Variants in PHLDB2 observed in about 807,000 individuals in gnomAD.
The protein encoded by PHLDB2 is pleckstrin homology-like domain family B member 2.
In PHLDB2, 71 loss-of-function variants were observed where a neutral mutation model predicts 123.6. That is an observed-to-expected ratio of 0.57 (90% CI 0.47 to 0.70). The LOEUF is 0.70. Among genes scored for constraint, PHLDB2 ranks in the 30% least tolerant of loss-of-function variants. The pLI is 0.00. For missense variants in PHLDB2, 1,446 were observed against 1,519.5 expected (o/e 0.95, Z 0.80); for synonymous variants, 547 against 541.6 (o/e 1.01, Z -0.14).
Position 111,884,451 on chromosome 3 carries a change from G to A in PHLDB2, c.374G>A (p.Arg125Lys). Residue 125 changes from arginine to lysine, a missense_variant, in exon 2 of 18, where the codon AGA (arginine) becomes AAA (lysine). This residue lies in a region of PHLDB2 where 832 missense variants were observed against 831.9 expected (regional missense o/e 1.00). Coordinates refer to ENST00000431670, the MANE Select transcript of PHLDB2 (RefSeq NM_001134438.2). ...TCCCTCAGTGGATATCCACTTGGAA[G>A]AGCAGACTTTGATCATTATACTGGC... Reference protein sequence around the residue: ...TSSLSGYPLGRADFDHYTGRD... With the variant: ...TSSLSGYPLGKADFDHYTGRD... 6.2e-7 allele frequency: 1 copy of A among 1,614,162 alleles called. No individual in the cohort carries two copies. The highest frequency in any genetic ancestry group is 2.2e-5 in the East Asian group (1 of 44,878).
At chr3:111,830,969 GAAAGAAAGAA>G (rs1559855033) in intron 1 of PHLDB2, among the ~76,000 whole-genome samples, 13 of 30,390 alleles carry the variant, frequency 4.3e-4, no homozygotes, top group African/African-American at 2.5e-3. Context: ...AAGAAAGAAA[GAAAGAAAGAA>G]AGAAAGAAAG....
chr3:111,906,935 C>T (rs1002205268), intron 2 of PHLDB2, among the ~76,000 whole-genome samples: 1 of 152,154 alleles, frequency 6.6e-6, no homozygotes, highest in African/African-American at 2.4e-5. Context: ...GACCACAAGC[C>T]TGAAGGCAGA....
At chr3:111,958,249 T>G in intron 12 of PHLDB2, 1 of 987,204 alleles carries the variant, frequency 1.0e-6, no homozygotes, top group Non-Finnish European at 1.2e-6. Context: ...CTGTGCCCTC[T>G]TCTTCTGGCT....
At chr3:111,848,908 A>G (rs2064129723) in intron 2 of PHLDB2, among the ~76,000 whole-genome samples, 1 of 152,210 alleles carries the variant, frequency 6.6e-6, no homozygotes, top group African/African-American at 2.4e-5. Flanking sequence ...TCTTATGGTT[A>G]TGCCATATAG....
intron 1 of PHLDB2, among the ~76,000 whole-genome samples, chr3:111,780,300 AGAG>A (rs199855060): frequency 0.11 from 277 of 2,542 alleles, 58 homozygotes; most frequent in East Asian, 0.74. Context: ...AAGAAGAGGA[AGAG>A]GAAGAGGAAG....
chr3:111,747,887 C>T (rs1048100364), intron 1 of PHLDB2, among the ~76,000 whole-genome samples: 1 of 152,142 alleles, frequency 6.6e-6, no homozygotes, highest in Non-Finnish European at 1.5e-5. Context: ...TCACTAATGA[C>T]CCTAACTTCA....
intron 2 of PHLDB2, among the ~76,000 whole-genome samples, chr3:111,896,094 A>G (rs1333118650): frequency 6.6e-6 from 1 of 152,038 alleles, no homozygotes. Flanking sequence ...CTGGGATTAC[A>G]GGTGCATGCC....
rs79994265 is a variant in PHLDB2, at chr3:111,953,975, C to T, written c.2818C>T (p.Pro940Ser). Reference sequence around the variant, plus strand: ...GAGTAACAGCTGTGGAAGTGTGCTCCCTCCCTCACTGGCAGCCATGGCCAA... The same window carrying T: ...GAGTAACAGCTGTGGAAGTGTGCTCTCTCCCTCACTGGCAGCCATGGCCAA... ...GQSNSCGSVL[P>S]PSLAAMAKDS... Residue 940 changes from proline (P) to serine (S), a missense_variant, in exon 12 of 18, where the codon CCT (proline) becomes TCT (serine). This residue lies in a region of PHLDB2 where 594 missense variants were observed against 646.0 expected (regional missense o/e 0.92). Transcript: ENST00000431670. The T allele has an allele frequency of 8.7e-4, 1,398 of 1,613,692 alleles. 11 individuals are homozygous for T. The African/African-American group carries it at 0.016, about 19-fold the overall frequency.
chr3:111,859,584 G>T lies in PHLDB2; in HGVS notation c.-15+8G>T. The T allele has an allele frequency of 1.0e-6, 1 of 985,580 alleles. No individual in the cohort carries two copies. Among genetic ancestry groups the T allele is most frequent in the Middle Eastern group, 5.2e-4 (1 of 1,914 alleles). 61.1% of individuals were successfully genotyped at this position (985,580 alleles called of 1,614,324 possible). ...GGCTGCACCAATGGCCAGGTGAGGA[G>T]GCGGCGGTGGTCGCCCGGGAGGAGG... is the stretch of plus-strand genomic sequence containing the variant. On this transcript the variant is annotated splice_region_variant and intron_variant, in intron 1 of 17. Coordinates refer to ENST00000431670, the MANE Select transcript of PHLDB2 (RefSeq NM_001134438.2).
At chr3:111,770,420 A>G (rs144027254) in intron 1 of PHLDB2, among the ~76,000 whole-genome samples, 23 of 152,288 alleles carry the variant, frequency 1.5e-4, no homozygotes, top group African/African-American at 5.1e-4. Context: ...ATTTGTTACT[A>G]TTTTTAATGC....
chr3:111,820,606 G>T (rs774596920), intron 1 of PHLDB2, among the ~76,000 whole-genome samples: 69 of 152,334 alleles, frequency 4.5e-4, no homozygotes, highest in African/African-American at 1.4e-3. Context: ...ACAACCAGTG[G>T]CCCCATGGCC....
At chr3:111,853,529 GCTGT>G (rs2064351097) in intron 2 of PHLDB2, among the ~76,000 whole-genome samples, 1 of 152,142 alleles carries the variant, frequency 6.6e-6, no homozygotes, top group Admixed American at 6.6e-5. Context: ...TTCTTTTTGT[GCTGT>G]CTGTCCTCTG....
chr3:111,777,877 A>G (rs1473325024), intron 1 of PHLDB2, among the ~76,000 whole-genome samples: 8 of 151,320 alleles, frequency 5.3e-5, no homozygotes, highest in African/African-American at 2.4e-5. Context: ...TTACCCCAGT[A>G]TAGATGTTAC....
chr3:111,922,812 CAG>C (rs2068597450), intron 5 of PHLDB2, among the ~76,000 whole-genome samples: 1 of 152,172 alleles, frequency 6.6e-6, no homozygotes, highest in African/African-American at 2.4e-5. Flanking sequence ...CCCTCTGGCT[CAG>C]AGATCATCTT....
At chr3:111,749,861 AAGAAGG>A (rs1482026248) in intron 1 of PHLDB2, among the ~76,000 whole-genome samples, 45 of 152,340 alleles carry the variant, frequency 3.0e-4, no homozygotes, top group African/African-American at 1.1e-3. Context: ...GCTAAATTCA[AAGAAGG>A]CATTTCCATT....
chr3:111,768,031 G>A (rs1273880327), intron 1 of PHLDB2, among the ~76,000 whole-genome samples: 1 of 152,092 alleles, frequency 6.6e-6, no homozygotes, highest in East Asian at 1.9e-4. Context: ...CAGAGAGAGG[G>A]ATGATTGATC....
In PHLDB2 at chr3:111,952,564, A is replaced by C. The variant is rs376829741; in HGVS notation, c.2632-8A>C. 2.9e-5 allele frequency: 46 copies of C among 1,607,352 alleles called. No individual in the cohort carries two copies. The African/African-American group carries it at 5.9e-4, about 21-fold the overall frequency. On this transcript the variant is annotated splice_polypyrimidine_tract_variant and splice_region_variant and intron_variant, in intron 10 of 17. Coordinates refer to ENST00000431670, the MANE Select transcript of PHLDB2 (RefSeq NM_001134438.2). ...TTTTGCTATTTTGCTTTGCATTTGC[A>C]TTTAAAGCACTTTAGAAGTCTGGAA...
intron 14 of PHLDB2, 57 bp downstream of exon 14, chr3:111,966,760 G>T (rs774856): frequency 1.4e-6 from 2 of 1,390,600 alleles, no homozygotes; most frequent in African/African-American, 1.4e-5. Flanking sequence ...GGAGCCCTGC[G>T]CTTGGCATCA....
chr3:111,966,757 T>C, intron 14 of PHLDB2, 54 bp downstream of exon 14: 1 of 1,441,254 alleles, frequency 6.9e-7, no homozygotes, highest in Non-Finnish European at 9.7e-7. Flanking sequence ...GCAGGAGCCC[T>C]GCGCTTGGCA....
Sources: gnomAD v4.1 joint callset for allele counts (sites outside exome capture counted in the v4.1 genomes callset) on GRCh38, gnomAD v4.1.1 for gene constraint, gnomAD v4.1.1 regional missense constraint, MANE v1.5 for transcripts, NCBI Gene and HGNC (gene_info 2026-07-23, HGNC 2026-07-21) for gene names.